The following HECW2 variants were observed in gnomAD, a reference collection of about 807,000 sequenced individuals.
HECW2 encodes the protein HECT, C2 and WW domain containing E3 ubiquitin protein ligase 2.
Under a neutral mutation model 175.2 loss-of-function variants are expected in HECW2, and 61 were observed. The ratio of observed to expected loss-of-function variants is 0.35; its 90% CI spans 0.28 to 0.43. The LOEUF (loss-of-function observed/expected upper bound fraction) is 0.43, where lower values mean the gene tolerates loss of function less well. HECW2 is among the 20% of genes least tolerant of loss of function. HECW2 has a pLI of 1.00. For missense variants in HECW2, 1,524 were observed against 2,000.5 expected (o/e 0.76, Z 4.54); for synonymous variants, 671 against 731.0 (o/e 0.92, Z 1.32).
At chr2:196,306,759 T>C in intron 12 of HECW2, 147 bp from the exon 13 acceptor site, 2 of 788,132 alleles carry the variant, frequency 2.5e-6, no homozygotes, top group Non-Finnish European at 3.7e-6. Flanking sequence ...TTTTCTTTGC[T>C]GTAAATTCAT....
chr2:196,364,818 T>A (rs1431320406), intron 2 of HECW2, among the ~76,000 whole-genome samples: 1 of 152,088 alleles, frequency 6.6e-6, no homozygotes, highest in Non-Finnish European at 1.5e-5. Context: ...ATCCTCAGAG[T>A]ATGGATGGGC....
chr2:196,315,795 C>A (rs989956338), intron 10 of HECW2: 2 of 152,176 alleles, frequency 1.3e-5, no homozygotes, highest in Non-Finnish European at 2.9e-5. Context: ...TAAATACAAT[C>A]AGGAGACCAA....
In HECW2 at chr2:196,272,568, G is replaced by GAAGTATA. The variant is rs1689779281; in HGVS notation, c.3239-1286_3239-1280dup. On this transcript the variant is annotated intron_variant, in intron 16 of 28. Coordinates refer to ENST00000644978, the MANE Select transcript of HECW2 (RefSeq NM_001348768.2). ...TTCTTTAACAAATAATTAAACAAAA[G>GAAGTATA]AAGTATAATAATTCTGTAGAGATCT... Among the ~76,000 whole-genome samples the GAAGTATA allele has an allele frequency of 3.3e-5, 5 of 152,226 alleles. 1 individual carries two copies. The South Asian group carries it at 1.0e-3, about 32-fold the overall frequency.
At chr2:196,508,963 G>A (rs1687854755) in intron 1 of HECW2, among the ~76,000 whole-genome samples, 1 of 152,170 alleles carries the variant, frequency 6.6e-6, no homozygotes, top group South Asian at 2.1e-4. Flanking sequence ...AGCTACTCAG[G>A]AGGCTGAGGC....
At chr2:196,586,017 C>G (rs1280674870) in intron 1 of HECW2, among the ~76,000 whole-genome samples, 1 of 152,188 alleles carries the variant, frequency 6.6e-6, no homozygotes, top group Non-Finnish European at 1.5e-5. Flanking sequence ...TGGTTCTCTA[C>G]ATGCTCTCAA....
intron 1 of HECW2, among the ~76,000 whole-genome samples, chr2:196,499,637 T>C (rs1331095444): frequency 1.3e-5 from 2 of 152,196 alleles, no homozygotes; most frequent in East Asian, 3.8e-4. Flanking sequence ...GGCAAACTTA[T>C]GGCCTGCCAC....
chr2:196,512,532 C>T (rs1261675497), intron 1 of HECW2, among the ~76,000 whole-genome samples: 1 of 152,080 alleles, frequency 6.6e-6, no homozygotes, highest in Admixed American at 6.5e-5. Flanking sequence ...GCCAGGACTA[C>T]AGGCACGTGC....
intron 1 of HECW2, among the ~76,000 whole-genome samples, chr2:196,544,952 C>T (rs536834849): frequency 6.6e-6 from 1 of 152,320 alleles, no homozygotes; most frequent in African/African-American, 2.4e-5. Context: ...TGAGTTGCCA[C>T]ATTCTGAGTA....
intron 13 of HECW2, among the ~76,000 whole-genome samples, chr2:196,299,970 G>A (rs11888904): frequency 0.33 from 50,011 of 151,660 alleles, 8,733 homozygotes; most frequent in African/African-American, 0.43. Flanking sequence ...CCACAACTCA[G>A]TGACTATTTA....
chr2:196,490,985 G>C (rs994012576), intron 1 of HECW2, among the ~76,000 whole-genome samples: 6 of 152,152 alleles, frequency 3.9e-5, no homozygotes, highest in Admixed American at 1.3e-4. Context: ...AAGGTCATGA[G>C]CAATTTTACT....
chr2:196,266,683 A>G (rs1025955914), intron 17 of HECW2, among the ~76,000 whole-genome samples: 1 of 152,232 alleles, frequency 6.6e-6, no homozygotes, highest in African/African-American at 2.4e-5. Context: ...ACAAAGCTAG[A>G]AAAGAAATAG....
intron 2 of HECW2, among the ~76,000 whole-genome samples, chr2:196,412,439 G>A (rs1224171229): frequency 1.3e-5 from 2 of 152,154 alleles, no homozygotes; most frequent in East Asian, 3.8e-4. Flanking sequence ...CTGGGGTTAC[G>A]ACTTCAACAT....
intron 1 of HECW2, among the ~76,000 whole-genome samples, chr2:196,559,423 A>C (rs1575671858): frequency 6.6e-6 from 1 of 152,190 alleles, no homozygotes; most frequent in Non-Finnish European, 1.5e-5. Flanking sequence ...AAGCTAGGAA[A>C]CCCTGATATA....
chr2:196,245,727 G>T (rs975641975), intron 19 of HECW2, among the ~76,000 whole-genome samples: 2 of 152,188 alleles, frequency 1.3e-5, no homozygotes, highest in Non-Finnish European at 2.9e-5. Flanking sequence ...CCAATAATCT[G>T]TCTGGAGATC....
intron 2 of HECW2, among the ~76,000 whole-genome samples, chr2:196,400,820 CAA>C (rs56242100): frequency 8.2e-5 from 11 of 134,756 alleles, no homozygotes; most frequent in Non-Finnish European, 6.5e-5. Flanking sequence ...CCACAAAATG[CAA>C]AAAAAAAAAA....
At chr2:196,437,157 C>A (rs2125281173) in intron 1 of HECW2, among the ~76,000 whole-genome samples, 1 of 151,456 alleles carries the variant, frequency 6.6e-6, no homozygotes, top group South Asian at 2.1e-4. Context: ...CTGAGGTGAG[C>A]CTTAAAGAAT....
In HECW2 at chr2:196,391,102, C is replaced by T. The variant is rs147014040; in HGVS notation, c.292+42030G>A. On this transcript the variant is annotated intron_variant, in intron 2 of 28. Transcript: ENST00000644978. ...GTCAACAGGGAGCACCAGCAAGAGA[C>T]AGGAGGCAGGGAGGAGAGTAAGACT... Among the ~76,000 whole-genome samples, 880 of 152,238 alleles carry T rather than the reference C, an allele frequency of 5.8e-3. 10 individuals are homozygous for T. The highest frequency in any genetic ancestry group is 0.035 in the South Asian group (170 of 4,826).
chr2:196,358,040 A>C (rs558841994), intron 2 of HECW2, among the ~76,000 whole-genome samples: 17 of 152,328 alleles, frequency 1.1e-4, no homozygotes, highest in African/African-American at 4.1e-4. Context: ...AGAATATTAC[A>C]CCACTTGATA....
At chr2:196,329,021 ATTTTAACT>A (rs1692258475) in intron 5 of HECW2, among the ~76,000 whole-genome samples, 1 of 151,854 alleles carries the variant, frequency 6.6e-6, no homozygotes, top group South Asian at 2.1e-4. Context: ...TCAGTTACTG[ATTTTAACT>A]AAATCAAACT....
Sources: allele counts gnomAD v4.1 joint callset (sites outside exome capture counted in the v4.1 genomes callset), GRCh38; gene constraint gnomAD v4.1.1; transcripts MANE v1.5; gene names NCBI Gene and HGNC (gene_info 2026-07-23, HGNC 2026-07-21).